FAR2: variants seen among roughly 807,000 people sequenced by gnomAD.
FAR2 encodes the protein fatty acyl-CoA reductase 2.
Under a neutral mutation model 56.0 loss-of-function variants are expected in FAR2, and 19 were observed. That is an observed-to-expected ratio of 0.34 (90% CI 0.24 to 0.50). FAR2 has a LOEUF of 0.50. Among genes scored for constraint, FAR2 ranks in the 20% least tolerant of loss-of-function variants. The pLI, the probability that FAR2 is intolerant of heterozygous loss-of-function variation, is 0.98. For synonymous variants in FAR2, 219 were observed against 218.8 expected, an observed-to-expected ratio of 1.00 and a Z score of -0.01; for missense variants, 508 against 642.2, an observed-to-expected ratio of 0.79 and a Z score of 2.26.
intron 1 of FAR2, among the ~76,000 whole-genome samples, chr12:29,182,392 G>A (rs1265136791): frequency 6.6e-6 from 1 of 152,190 alleles, no homozygotes; most frequent in Non-Finnish European, 1.5e-5. Context: ...CCTTTAGCTA[G>A]ACACAGAGTG....
In FAR2 at chr12:29,227,165, A is replaced by G. The variant is rs532323729; in HGVS notation, c.-38-43247A>G. ...CCGCAGGGCACCTTACGTGCCTATA[A>G]TTGTTATATTTATGATTCTGGTGTT... On this transcript the variant is annotated intron_variant, in intron 1 of 11. Transcript: ENST00000536681. 2.1e-4 allele frequency among the ~76,000 whole-genome samples: 32 copies of G among 152,262 alleles called. 1 individual carries two copies. The South Asian group carries it at 6.4e-3, about 31-fold the overall frequency.
intron 1 of FAR2, among the ~76,000 whole-genome samples, chr12:29,253,298 G>T (rs1214220581): frequency 7.5e-5 from 8 of 106,014 alleles, no homozygotes; most frequent in African/African-American, 1.0e-4. Flanking sequence ...TATCTATCTA[G>T]ATAGATATCT....
intron 9 of FAR2, among the ~76,000 whole-genome samples, chr12:29,318,870 G>T (rs1949502341): frequency 6.6e-6 from 1 of 152,096 alleles, no homozygotes; most frequent in South Asian, 2.1e-4. Context: ...GGAGACTGCT[G>T]GATTGAAGAG....
At chr12:29,206,302 A>G (rs1947477760) in intron 1 of FAR2, among the ~76,000 whole-genome samples, 1 of 152,266 alleles carries the variant, frequency 6.6e-6, no homozygotes, top group South Asian at 2.1e-4. Flanking sequence ...GGAGCAATTA[A>G]GCCAGTATAT....
At chr12:29,213,438 C>T (rs1422241037) in intron 1 of FAR2, among the ~76,000 whole-genome samples, 1 of 152,116 alleles carries the variant, frequency 6.6e-6, no homozygotes, top group Non-Finnish European at 1.5e-5. Context: ...GCCTGTCATT[C>T]CAGCACTTTG....
chr12:29,281,463 T>G (rs1387889660), intron 2 of FAR2: 1 of 152,192 alleles, frequency 6.6e-6, no homozygotes, highest in African/African-American at 2.4e-5. Context: ...TCTTCCTTAT[T>G]TCTTATTCCC....
chr12:29,170,468 C>T (rs1213005243), intron 1 of FAR2, among the ~76,000 whole-genome samples: 2 of 152,210 alleles, frequency 1.3e-5, no homozygotes, highest in Non-Finnish European at 2.9e-5. Context: ...CGGAGAAGAC[C>T]TTCAATTATC....
At chr12:29,279,157 T>G (rs572388050) in intron 2 of FAR2, among the ~76,000 whole-genome samples, 9 of 152,370 alleles carry the variant, frequency 5.9e-5, no homozygotes, top group African/African-American at 1.7e-4. Context: ...AATTCTCAGA[T>G]GGCTCATTTT....
chr12:29,170,874 C>T (rs566364907), intron 1 of FAR2, among the ~76,000 whole-genome samples: 29 of 152,346 alleles, frequency 1.9e-4, no homozygotes, highest in African/African-American at 6.3e-4. Flanking sequence ...ATGGCTTCGA[C>T]AGTGTAAGAC....
intron 1 of FAR2, among the ~76,000 whole-genome samples, chr12:29,212,473 T>C (rs951319997): frequency 3.2e-4 from 48 of 152,332 alleles, no homozygotes; most frequent in African/African-American, 1.1e-3. Context: ...TAACTCAGAA[T>C]GCTATCTTTT....
intron 1 of FAR2, among the ~76,000 whole-genome samples, chr12:29,183,741 A>G (rs1950012884): frequency 6.6e-6 from 1 of 152,224 alleles, no homozygotes; most frequent in African/African-American, 2.4e-5. Flanking sequence ...GAGAAGTAGG[A>G]CTTTTCCATA....
intron 1 of FAR2, among the ~76,000 whole-genome samples, chr12:29,194,642 G>A (rs1950130728): frequency 1.3e-5 from 2 of 151,972 alleles, no homozygotes; most frequent in South Asian, 2.1e-4. Flanking sequence ...AGTTGAAAAT[G>A]TCTTGAGAGA....
At chr12:29,194,523 A>C (rs1253797938) in intron 1 of FAR2, among the ~76,000 whole-genome samples, 6 of 97,628 alleles carry the variant, frequency 6.1e-5, no homozygotes, top group African/African-American at 1.6e-4. Flanking sequence ...TAGTGATGCC[A>C]CACACACACA....
chr12:29,331,145 TAAG>T (rs1342988800), intron 10 of FAR2, among the ~76,000 whole-genome samples: 1 of 151,926 alleles, frequency 6.6e-6, no homozygotes, highest in Non-Finnish European at 1.5e-5. Flanking sequence ...CACCAGAAGT[TAAG>T]TAAGTTAAGA....
chr12:29,305,686 T>C (rs778067514), intron 4 of FAR2, among the ~76,000 whole-genome samples: 7 of 152,258 alleles, frequency 4.6e-5, no homozygotes, highest in Non-Finnish European at 1.0e-4. Flanking sequence ...TTAGAATCAG[T>C]ATAATTATTG....
At chr12:29,308,972 C>G (rs1328249964) in intron 5 of FAR2, among the ~76,000 whole-genome samples, 2 of 151,914 alleles carry the variant, frequency 1.3e-5, no homozygotes, top group East Asian at 3.9e-4. Context: ...ACAATCCTGG[C>G]AAAATTCTAA....
chr12:29,231,688 T>G lies in FAR2; in HGVS notation c.-38-38724T>G, dbSNP rs1339689287. 2.6e-5 allele frequency among the ~76,000 whole-genome samples: 4 copies of G among 152,344 alleles called. No individual in the cohort carries two copies. The South Asian group carries it at 6.2e-4, about 24-fold the overall frequency. ...TGGAATTCAAATGTAAGTGGGGGCA[T>G]AAGCCTTCTATACGAAGAGGAACAG... On this transcript the variant is annotated intron_variant, in intron 1 of 11. Coordinates refer to ENST00000536681, the MANE Select transcript of FAR2 (RefSeq NM_001271783.2).
intron 3 of FAR2, among the ~76,000 whole-genome samples, chr12:29,296,005 T>C (rs1022364708): frequency 3.3e-5 from 5 of 151,188 alleles, no homozygotes; most frequent in African/African-American, 4.9e-5. Context: ...CCTGACCTCA[T>C]GATCCACCCG....
At chr12:29,163,681 A>T (rs1949801048) in intron 1 of FAR2, among the ~76,000 whole-genome samples, 1 of 152,232 alleles carries the variant, frequency 6.6e-6, no homozygotes, top group Non-Finnish European at 1.5e-5. Context: ...TGAGTGACTG[A>T]GTGAGCAGTG....
Sources: allele counts gnomAD v4.1 joint callset (sites outside exome capture counted in the v4.1 genomes callset), GRCh38; gene constraint gnomAD v4.1.1; transcripts MANE v1.5; gene names NCBI Gene and HGNC (gene_info 2026-07-23, HGNC 2026-07-21).